Variants in ZNF600 observed in about 807,000 individuals in gnomAD.
ZNF600 encodes the protein zinc finger protein KR-ZNF1.
ZNF600 carries 4 observed loss-of-function variants against 7.3 expected under a neutral mutation model. That is an observed-to-expected ratio of 0.55 (90% CI 0.27 to 1.25). The LOEUF (loss-of-function observed/expected upper bound fraction) is 1.25. Among genes scored for constraint, ZNF600 ranks in the 50% most tolerant of loss-of-function variants. The pLI is 0.12. For missense variants in ZNF600, 911 were observed against 922.1 expected, an observed-to-expected ratio of 0.99 and a Z score of 0.16; for synonymous variants, 290 against 308.9, an observed-to-expected ratio of 0.94 and a Z score of 0.64.
chr19:52,789,720 C>G (rs2147599548), upstream of ZNF600, among the ~76,000 whole-genome samples: 1 of 152,238 alleles, frequency 6.6e-6, no homozygotes, highest in South Asian at 2.1e-4. Flanking sequence ...GCACTGTACT[C>G]CAGCCTGGAC....
At chr19:52,779,016 C>T (rs935689915) in intron 1 of ZNF600, 109 bp from the exon 4 acceptor site, 31 of 948,394 alleles carry the variant, frequency 3.3e-5, no homozygotes, top group East Asian at 7.8e-5. Context: ...AGTCCCCCAC[C>T]GCCCACTGCA....
chr19:52,775,797 A>G (rs2062670065), intron 2 of ZNF600, among the ~76,000 whole-genome samples: 1 of 152,096 alleles, frequency 6.6e-6, no homozygotes, highest in African/African-American at 2.4e-5. Flanking sequence ...TCACGAGGTC[A>G]GGAGTTTGAG....
chr19:52,766,079 A>G lies in ZNF600; in HGVS notation c.1884T>C (p.Cys628=), dbSNP rs532355063. Residue 628 remains cysteine (C), a synonymous_variant, in exon 4 of 4, where the codon TGT becomes TGC. Transcript: ENST00000648973. ...ATGGCTTGTGACTGAAGGTCTTGCCACACTCATTACACTTGTAAGGTTTCT... is the reference window on the plus strand; with the variant it reads ...ATGGCTTGTGACTGAAGGTCTTGCCGCACTCATTACACTTGTAAGGTTTCT... 1.9e-6 allele frequency: 3 copies of G among 1,613,618 alleles called. No homozygotes were observed. The South Asian group carries it at 3.3e-5, about 18-fold the overall frequency.
upstream of ZNF600, among the ~76,000 whole-genome samples, chr19:52,787,258 A>G (rs890050034): frequency 1.1e-4 from 16 of 151,784 alleles, no homozygotes; most frequent in Non-Finnish European, 2.4e-4. Flanking sequence ...GGATGCGGGC[A>G]CGAGGCGGAA....
chr19:52,794,476 C>A, the ZNF600 span, among the ~76,000 whole-genome samples: 7 of 152,050 alleles, frequency 4.6e-5, no homozygotes, highest in African/African-American at 7.3e-5. Flanking sequence ...TGAGAAGCTC[C>A]GAGTTGAGTC....
At chr19:52,785,225 T>C (rs985024364) in intron 1 of ZNF600, among the ~76,000 whole-genome samples, 1 of 151,816 alleles carries the variant, frequency 6.6e-6, no homozygotes, top group Non-Finnish European at 1.5e-5. Flanking sequence ...TCTGCTCCAT[T>C]CTCACAGCTT....
At chr19:52,830,132 G>C in the ZNF600 span, among the ~76,000 whole-genome samples, 106 of 152,130 alleles carry the variant, frequency 7.0e-4, no homozygotes, top group African/African-American at 2.5e-3. Flanking sequence ...AATTAGCTGG[G>C]TGTGTTGGTG....
the ZNF600 span, chr19:52,799,033 A>G: frequency 1.6e-6 from 1 of 613,136 alleles, no homozygotes; most frequent in South Asian, 1.9e-5. Flanking sequence ...TTTTTTCTCC[A>G]GTATGAATTC....
the ZNF600 span, among the ~76,000 whole-genome samples, chr19:52,821,267 G>A: frequency 0.051 from 7,690 of 152,192 alleles, 241 homozygotes; most frequent in African/African-American, 0.09. Context: ...GGCGCACAGG[G>A]TGGGAATACA....
intron 1 of ZNF600, among the ~76,000 whole-genome samples, chr19:52,785,672 G>A (rs895614212): frequency 3.3e-5 from 5 of 151,892 alleles, no homozygotes; most frequent in African/African-American, 1.2e-4. Flanking sequence ...TCTCTTCCCT[G>A]TTATACCCCT....
chr19:52,795,395 GTAAAC>G, the ZNF600 span, among the ~76,000 whole-genome samples: 1 of 151,854 alleles, frequency 6.6e-6, no homozygotes, highest in Non-Finnish European at 1.5e-5. Flanking sequence ...AGTCCTCAAT[GTAAAC>G]TAAACACAAT....
At chr19:52,797,256 G>A in the ZNF600 span, among the ~76,000 whole-genome samples, 5 of 152,328 alleles carry the variant, frequency 3.3e-5, no homozygotes, top group Admixed American at 2.0e-4. Context: ...TCCATGAAAC[G>A]ACCACAGTGG....
At chr19:52,801,314 G>T in the ZNF600 span, 3 of 1,613,942 alleles carry the variant, frequency 1.9e-6, no homozygotes, top group South Asian at 1.1e-5. Flanking sequence ...AAATTCTTTG[G>T]GATGTTGAAA....
chr19:52,780,413 T>G (rs1404304011), intron 1 of ZNF600, among the ~76,000 whole-genome samples, 168 bp downstream of exon 3: 5 of 151,798 alleles, frequency 3.3e-5, no homozygotes, highest in Non-Finnish European at 7.4e-5. Context: ...GAGGGACAGC[T>G]CAAGTGAGGG....
At chr19:52,796,155 A>G in the ZNF600 span, among the ~76,000 whole-genome samples, 12 of 152,180 alleles carry the variant, frequency 7.9e-5, no homozygotes, top group African/African-American at 2.9e-4. Flanking sequence ...TGCCTGGGCA[A>G]CAGAATGAGA....
At chr19:52,766,686 G>C in exon 4 of ZNF600, 1 of 1,614,102 alleles carries the variant, frequency 6.2e-7, no homozygotes, top group East Asian at 2.2e-5. Flanking sequence ...ACACTTGTAA[G>C]TTTTCTCTCC....
chr19:52,801,157 A>C, the ZNF600 span: 1 of 1,614,090 alleles, frequency 6.2e-7, no homozygotes, highest in East Asian at 2.2e-5. Flanking sequence ...TGTTTTTTTA[A>C]AAGTGAGCTA....
rs765970184 is a variant in ZNF600, at chr19:52,767,364, G to A, written c.599C>T (p.Pro200Leu). Residue 200 changes from proline to leucine, a missense_variant, in exon 4 of 4, where the codon CCC becomes CTC. Transcript: ENST00000648973. ...ATAGTTATTAGAAATATGGATTTGG[G>A]GCCTAGGAGAAATTCTTTGGGATGT... 20 of 1,613,908 alleles carry A rather than the reference G, an allele frequency of 1.2e-5. No individual in the cohort carries two copies. The highest frequency in any genetic ancestry group is 1.6e-4 in the Middle Eastern group (1 of 6,084).
chr19:52,810,268 T>A, the ZNF600 span: 1 of 1,397,940 alleles, frequency 7.2e-7, no homozygotes, highest in Middle Eastern at 2.4e-4. Flanking sequence ...GCTGGCCCAG[T>A]GATCACGTCC....
Sources: allele counts gnomAD v4.1 joint callset (sites outside exome capture counted in the v4.1 genomes callset), GRCh38; gene constraint gnomAD v4.1.1; transcripts MANE v1.5; gene names NCBI Gene and HGNC (gene_info 2026-07-23, HGNC 2026-07-21).